The following TAF4B variants were observed in gnomAD, a reference collection of about 807,000 sequenced individuals.
The protein encoded by TAF4B is transcription initiation factor TFIID subunit 4B.
TAF4B carries 38 observed loss-of-function variants against 86.4 expected under a neutral mutation model. That is an observed-to-expected ratio of 0.44 (90% CI 0.34 to 0.58). TAF4B has a LOEUF of 0.58. Among genes scored for constraint, TAF4B ranks in the 20% least tolerant of loss-of-function variants. The pLI is 0.02. For missense variants in TAF4B, 988 were observed against 1,027.6 expected, an observed-to-expected ratio of 0.96 and a Z score of 0.53; for synonymous variants, 388 against 391.2, an observed-to-expected ratio of 0.99 and a Z score of 0.10.
In TAF4B at chr18:26,292,362, T is replaced by G; in HGVS notation, c.1707T>G (p.Pro569=). The change falls in exon 8 of 15, where the codon CCT becomes CCG. Residue 569 remains proline (P), a synonymous_variant. Transcript: ENST00000269142. ...QKTMPVNTII[P]TSQFPPASIL... ...CGATGCCAGTGAACACCATAATACCTACTAGTCAGTTTCCTCCAGGTAGAT... is the reference window on the plus strand; with the variant it reads ...CGATGCCAGTGAACACCATAATACCGACTAGTCAGTTTCCTCCAGGTAGAT... 6.2e-7 allele frequency: 1 copy of G among 1,613,608 alleles called. No homozygotes were observed.
chr18:26,312,762 A>G (rs1287034510), intron 9 of TAF4B, among the ~76,000 whole-genome samples: 2 of 152,134 alleles, frequency 1.3e-5, no homozygotes, highest in Non-Finnish European at 2.9e-5. Context: ...TGTTGTATGT[A>G]TATGTGTAAA....
chr18:26,374,758 A>G (rs991563506), intron 14 of TAF4B, among the ~76,000 whole-genome samples: 1 of 152,204 alleles, frequency 6.6e-6, no homozygotes, highest in Non-Finnish European at 1.5e-5. Context: ...CTGCTTAGGT[A>G]TACCTTATAA....
At chr18:26,335,893 T>C (rs900691524) in intron 13 of TAF4B, among the ~76,000 whole-genome samples, 1 of 152,212 alleles carries the variant, frequency 6.6e-6, no homozygotes, top group African/African-American at 2.4e-5. Context: ...CTGACTTTTC[T>C]AGCCCCAGAG....
At chr18:26,263,538 G>A (rs1276935632) in intron 1 of TAF4B, among the ~76,000 whole-genome samples, 1 of 152,128 alleles carries the variant, frequency 6.6e-6, no homozygotes, top group African/African-American at 2.4e-5. Context: ...CTCATCCTTT[G>A]AATATATGTG....
chr18:26,242,530 CTT>C (rs1414666605), intron 1 of TAF4B, among the ~76,000 whole-genome samples: 3 of 152,082 alleles, frequency 2.0e-5, no homozygotes, highest in African/African-American at 7.2e-5. Context: ...GGTCTTGACT[CTT>C]TATCCAGTTT....
chr18:26,267,518 C>G lies in TAF4B; in HGVS notation c.492C>G (p.Asn164Lys). 1 of 1,613,318 alleles carries G rather than the reference C, an allele frequency of 6.2e-7. No homozygotes were observed. Among genetic ancestry groups the G allele is most frequent in the Non-Finnish European group, 8.5e-7 (1 of 1,179,220 alleles). Residue 164 changes from asparagine to lysine, a missense_variant and splice_region_variant, in exon 3 of 15, where the codon AAC becomes AAG. Around this residue, in one of 3 missense-constraint regions of TAF4B, gnomAD observed 747 missense variants for 737.9 expected, o/e 1.01. Transcript: ENST00000269142. ...TCTTGCTCCCCTCCACCGCCAAGAACTCTAGCTCACAATTAATCAAGAAAG... is the reference window on the plus strand; with the variant it reads ...TCTTGCTCCCCTCCACCGCCAAGAAGTCTAGCTCACAATTAATCAAGAAAG... ...PQTVKICTVP[N>K]SSSQLIKKVA...
In TAF4B at chr18:26,226,847, C is replaced by G; in HGVS notation, c.-87C>G. ...CAGCGATGCTGTGGAACCCGAACCGCACCGGAGTCGGCTGCCGCGCGCCAA... is the reference window on the plus strand; with the variant it reads ...CAGCGATGCTGTGGAACCCGAACCGGACCGGAGTCGGCTGCCGCGCGCCAA... On this transcript the variant is annotated 5_prime_UTR_variant, in exon 1 of 15. Coordinates refer to ENST00000269142, the MANE Select transcript of TAF4B (RefSeq NM_005640.3). 1.8e-6 allele frequency: 2 copies of G among 1,128,366 alleles called. No individual in the cohort carries two copies. The highest frequency in any genetic ancestry group is 2.3e-6 in the Non-Finnish European group (2 of 866,682). The allele number at this position is 1,128,366 out of a possible 1,614,324, so 69.9% of individuals were successfully genotyped here. A position where few individuals can be genotyped will look rare whatever the true frequency, so the allele number is the denominator to read the frequency against.
intron 14 of TAF4B, among the ~76,000 whole-genome samples, chr18:26,370,191 A>G (rs1178876869): frequency 1.3e-5 from 2 of 152,168 alleles, no homozygotes; most frequent in East Asian, 3.9e-4. Context: ...AGGGAGTGAA[A>G]TCATCTGTGA....
intron 13 of TAF4B, among the ~76,000 whole-genome samples, chr18:26,353,311 A>C (rs952308221): frequency 6.6e-5 from 10 of 152,242 alleles, no homozygotes; most frequent in African/African-American, 2.2e-4. Flanking sequence ...TTTGAAAATC[A>C]GTCAATATAA....
intron 3 of TAF4B, among the ~76,000 whole-genome samples, chr18:26,270,448 A>G (rs1197499176): frequency 2.0e-5 from 3 of 152,218 alleles, no homozygotes; most frequent in African/African-American, 4.8e-5. Flanking sequence ...ATAGCCAGTG[A>G]TCACTAATTA....
At chr18:26,321,263 A>G in intron 11 of TAF4B, 63 bp downstream of exon 11, 1 of 1,562,140 alleles carries the variant, frequency 6.4e-7, no homozygotes, top group Non-Finnish European at 8.8e-7. Context: ...TTGGGCGTGG[A>G]TTGATATTCT....
At chr18:26,282,363 A>G (rs1026205514) in intron 6 of TAF4B, among the ~76,000 whole-genome samples, 1 of 152,246 alleles carries the variant, frequency 6.6e-6, no homozygotes, top group Non-Finnish European at 1.5e-5. Context: ...AGACCACCAT[A>G]AGAAAGCTAA....
intron 9 of TAF4B, among the ~76,000 whole-genome samples, chr18:26,306,840 C>T (rs1456729581): frequency 4.7e-5 from 7 of 150,086 alleles, no homozygotes; most frequent in African/African-American, 1.2e-4. Flanking sequence ...GTGCAGTGCA[C>T]GATCTCGGCT....
In TAF4B at chr18:26,282,054, T is replaced by C. The variant is rs772625344; in HGVS notation, c.966T>C (p.Phe322=). ...CACCTCAGCCTCACCTGGTTCCTTTTCTTAAGGTAGAGTTATGTGTCACTT... is the reference window on the plus strand; with the variant it reads ...CACCTCAGCCTCACCTGGTTCCTTTCCTTAAGGTAGAGTTATGTGTCACTT... ...KSSPQPHLVP[F]LKKSVVALRQ... The change falls in exon 6 of 15, where the codon TTT becomes TTC. Residue 322 remains phenylalanine, a synonymous_variant. Coordinates refer to ENST00000269142, the MANE Select transcript of TAF4B (RefSeq NM_005640.3). 2 of 1,610,148 alleles carry C rather than the reference T, an allele frequency of 1.2e-6. No individual in the cohort carries two copies. The highest frequency in any genetic ancestry group is 2.7e-5 in the African/African-American group (2 of 74,792).
intron 13 of TAF4B, among the ~76,000 whole-genome samples, chr18:26,337,800 T>C (rs963342616): frequency 3.3e-5 from 5 of 152,190 alleles, no homozygotes; most frequent in African/African-American, 1.2e-4. Flanking sequence ...CACTAATCAC[T>C]ATCATGCTGG....
intron 1 of TAF4B, among the ~76,000 whole-genome samples, chr18:26,259,547 C>T (rs1164895252): frequency 6.6e-6 from 1 of 150,654 alleles, no homozygotes; most frequent in Non-Finnish European, 1.5e-5. Context: ...GGTTTTTTGT[C>T]CTTACAATAG....
chr18:26,337,543 C>A (rs1401851128), intron 13 of TAF4B, among the ~76,000 whole-genome samples: 1 of 151,774 alleles, frequency 6.6e-6, no homozygotes, highest in Non-Finnish European at 1.5e-5. Context: ...CAGCCTCAGC[C>A]TCCCGAGTAG....
intron 5 of TAF4B, among the ~76,000 whole-genome samples, chr18:26,279,545 C>CAAAAAAAAAAAAAAAAA (rs375937630): frequency 8.8e-6 from 1 of 113,534 alleles, no homozygotes; most frequent in Non-Finnish European, 2.0e-5. Context: ...CAATTAGAAG[C>CAAAAAAAAAAAAAAAAA]AAAAAAAAAA....
intron 1 of TAF4B, among the ~76,000 whole-genome samples, chr18:26,240,941 G>C (rs1452257833): frequency 1.3e-5 from 2 of 152,178 alleles, no homozygotes. Context: ...AAGCCAACTT[G>C]ATCATGGTGG....
Sources: allele counts gnomAD v4.1 joint callset (sites outside exome capture counted in the v4.1 genomes callset), GRCh38; gene constraint gnomAD v4.1.1; regional missense constraint gnomAD v4.1.1; transcripts MANE v1.5; gene names NCBI Gene and HGNC (gene_info 2026-07-23, HGNC 2026-07-21).